EIF3A: variants seen among roughly 807,000 people sequenced by gnomAD.
The protein encoded by EIF3A is eukaryotic translation initiation factor 3 subunit A.
EIF3A carries 21 observed loss-of-function variants against 186.6 expected under a neutral mutation model. The observed-to-expected ratio is 0.11, with a 90% CI of 0.08 to 0.16. The LOEUF is 0.16. EIF3A is among the 10% of genes least tolerant of loss of function. The pLI is 1.00. For missense variants in EIF3A, 1,306 were observed against 1,796.3 expected (o/e 0.73, Z 4.93); for synonymous variants, 563 against 584.3 (o/e 0.96, Z 0.52).
intron 19 of EIF3A, among the ~76,000 whole-genome samples, chr10:119,039,884 CA>C (rs761843716): frequency 3.9e-5 from 6 of 152,154 alleles, no homozygotes; most frequent in Non-Finnish European, 8.8e-5. Flanking sequence ...GATTGGTTGA[CA>C]AAAATATCAT....
chr10:119,059,112 T>C (rs1296998044), intron 11 of EIF3A, 100 bp downstream of exon 11: 20 of 878,302 alleles, frequency 2.3e-5, no homozygotes, highest in African/African-American at 1.8e-4. Context: ...CATAAATCCC[T>C]TCTCTCAGAT....
chr10:119,059,340 T>G lies in EIF3A; in HGVS notation c.1501A>C (p.Thr501Pro). 6.2e-7 allele frequency: 1 copy of G among 1,612,584 alleles called. No individual in the cohort carries two copies. Among genetic ancestry groups the G allele is most frequent in the Non-Finnish European group, 8.5e-7 (1 of 1,179,368 alleles). The change falls in exon 11 of 22, where the codon ACT becomes CCT. Residue 501 changes from threonine (T) to proline (P), a missense_variant. This residue lies in a region of EIF3A where 267 missense variants were observed against 367.8 expected (regional missense o/e 0.73). Coordinates refer to ENST00000369144, the MANE Select transcript of EIF3A (RefSeq NM_003750.4). ...LSFGSDLNYA[T>P]REDAPIGPHL... Reference sequence around the variant, plus strand: ...GGACCAATCGGAGCATCTTCTCGAGTAGCATAATTCAAATCAGATCCAAAA... The same window carrying G: ...GGACCAATCGGAGCATCTTCTCGAGGAGCATAATTCAAATCAGATCCAAAA...
intron 19 of EIF3A, among the ~76,000 whole-genome samples, chr10:119,040,669 G>A (rs1175611041): frequency 1.3e-5 from 2 of 152,026 alleles, no homozygotes; most frequent in East Asian, 1.9e-4. Flanking sequence ...TCAGGAGTTC[G>A]AGAGCAGCCT....
At chr10:119,045,110 A>G (rs139975899) in intron 17 of EIF3A, among the ~76,000 whole-genome samples, 1,565 of 151,986 alleles carry the variant, frequency 0.01, 24 homozygotes, top group African/African-American at 0.036. Flanking sequence ...ATGCCCGACT[A>G]ATTTTTATAT....
intron 19 of EIF3A, among the ~76,000 whole-genome samples, chr10:119,041,762 G>A (rs1848211673): frequency 1.3e-5 from 2 of 152,212 alleles, no homozygotes; most frequent in Non-Finnish European, 2.9e-5. Flanking sequence ...CATCGAAGCA[G>A]AAGGAAAACA....
chr10:119,063,939 T>G (rs1476540710), intron 7 of EIF3A, among the ~76,000 whole-genome samples: 1 of 151,988 alleles, frequency 6.6e-6, no homozygotes, highest in Non-Finnish European at 1.5e-5. Flanking sequence ...AAAAAACCAC[T>G]GTAGTGGTGC....
intron 3 of EIF3A, 151 bp downstream of exon 3, chr10:119,073,290 T>G: frequency 1.5e-6 from 1 of 687,536 alleles, no homozygotes; most frequent in Non-Finnish European, 2.4e-6. Flanking sequence ...TTTTATTACC[T>G]ACATAAATTA....
chr10:119,076,846 G>C (rs964160909), intron 1 of EIF3A, among the ~76,000 whole-genome samples: 2 of 147,488 alleles, frequency 1.4e-5, no homozygotes, highest in African/African-American at 5.0e-5. Context: ...TGAGACTTTA[G>C]AATCACTTGA....
chr10:119,043,792 C>A (rs1160031740), intron 18 of EIF3A, among the ~76,000 whole-genome samples: 5 of 151,664 alleles, frequency 3.3e-5, no homozygotes, highest in Non-Finnish European at 7.4e-5. Context: ...TGGTGGCACA[C>A]ACCTGTAATC....
Position 119,059,704 on chromosome 10 carries a change from A to G in EIF3A, c.1341T>C (p.Tyr447=). Residue 447 remains tyrosine (Y), a synonymous_variant, in exon 10 of 22, where the codon TAT becomes TAC. Transcript: ENST00000369144. The stretch of plus-strand genomic sequence containing the variant: ...TCAAACGAGAAAACTCAATGCTCTG[A>G]TAAATCTGTGACACCTGCATAGAAA... ...LRLLQQVSQI[Y]QSIEFSRLTS... is the part of the protein sequence containing the mutation. 6.2e-7 allele frequency: 1 copy of G among 1,613,344 alleles called. No homozygotes were observed. Among genetic ancestry groups the G allele is most frequent in the Non-Finnish European group, 8.5e-7 (1 of 1,179,274 alleles).
chr10:119,080,758 G>T lies in EIF3A; in HGVS notation c.-82C>A. On this transcript the variant is annotated 5_prime_UTR_variant, in exon 1 of 22. Transcript: ENST00000369144. ...GGAGAGGAGACGAAGGGGAACCAGC[G>T]TAAGGTCCCACGCGCCTCGCCAGCA... is the stretch of plus-strand genomic sequence containing the variant. 6.5e-7 allele frequency: 1 copy of T among 1,529,696 alleles called. No individual in the cohort carries two copies. Among genetic ancestry groups the T allele is most frequent in the Non-Finnish European group, 8.8e-7 (1 of 1,138,154 alleles). 94.8% of individuals were successfully genotyped at this position (1,529,696 alleles called of 1,614,324 possible). A position where few individuals can be genotyped will look rare whatever the true frequency, so the allele number is the denominator to read the frequency against.
intron 1 of EIF3A, chr10:119,080,255 C>G (rs530577016): frequency 2.1e-6 from 2 of 955,502 alleles, no homozygotes; most frequent in Non-Finnish European, 2.5e-6. Flanking sequence ...AGATGGCGGC[C>G]GGGGACGCGG....
intron 14 of EIF3A, among the ~76,000 whole-genome samples, chr10:119,051,729 G>C (rs1295091971): frequency 6.6e-6 from 1 of 152,088 alleles, no homozygotes; most frequent in African/African-American, 2.4e-5. Flanking sequence ...GTATACAATA[G>C]CATGTCTAAA....
rs887876515 is a variant in EIF3A at position 119,080,543 on chromosome 10, G to C, written c.49+85C>G. ...CTCCTCTCCCCGCGCGGGCCGGGCGGCGGAGCAGTGGGAAGCAGGCCCGCG... is the reference window on the plus strand; with the variant it reads ...CTCCTCTCCCCGCGCGGGCCGGGCGCCGGAGCAGTGGGAAGCAGGCCCGCG... On this transcript the variant is annotated intron_variant, in intron 1 of 21. Transcript: ENST00000369144. 5 of 1,464,074 alleles carry C rather than the reference G, an allele frequency of 3.4e-6. No individual in the cohort carries two copies. In the Admixed American group the frequency reaches 1.1e-4, roughly 32 times the overall value. 90.7% of individuals were successfully genotyped at this position (1,464,074 alleles called of 1,614,324 possible).
chr10:119,070,971 T>G lies in EIF3A; in HGVS notation c.656A>C (p.Asn219Thr), dbSNP rs1490846075. ...QRHHNQSTAI[N>T]LNNPESQSMH... The stretch of plus-strand genomic sequence containing the variant: ...GGACTGGCTCTCTGGATTATTAAGA[T>G]TGATTGCCGTACTTTGGTTATGGTG... The change falls in exon 5 of 22, where the codon AAT (asparagine) becomes ACT (threonine). Residue 219 changes from asparagine to threonine, a missense_variant. Asn to Thr is a moderately conservative substitution (Grantham distance 65). This residue lies in a region of EIF3A where 267 missense variants were observed against 367.8 expected (regional missense o/e 0.73). Coordinates refer to ENST00000369144, the MANE Select transcript of EIF3A (RefSeq NM_003750.4). The G allele has an allele frequency of 1.2e-6, 2 of 1,614,000 alleles. No individual in the cohort carries two copies. The highest frequency in any genetic ancestry group is 1.7e-6 in the Non-Finnish European group (2 of 1,179,822).
intron 10 of EIF3A, 77 bp from the exon 11 acceptor site, chr10:119,059,474 CA>C (rs1843846729): frequency 1.5e-6 from 2 of 1,312,536 alleles, no homozygotes; most frequent in East Asian, 2.3e-5. Context: ...ATGTCATATA[CA>C]AAAGCTGGAA....
chr10:119,042,927 C>A lies in EIF3A; in HGVS notation c.2748-155G>T, dbSNP rs530783324. 6.6e-6 allele frequency among the ~76,000 whole-genome samples: 1 copy of A among 152,252 alleles called. No homozygotes were observed. Among genetic ancestry groups the A allele is most frequent in the East Asian group, 1.9e-4 (1 of 5,180 alleles). The stretch of plus-strand genomic sequence containing the variant: ...CAGCACTCTGGGAAGCAGAGGCAGG[C>A]AGATCACCTGAGGTCAGGAGTTCAA... On this transcript the variant is annotated intron_variant, in intron 18 of 21. Transcript: ENST00000369144. The surrounding 1 kb of genome is among the most constrained non-coding windows in gnomAD (Gnocchi z 7.8).
chr10:119,075,302 C>T (rs1157258265), intron 1 of EIF3A, among the ~76,000 whole-genome samples: 1 of 152,078 alleles, frequency 6.6e-6, no homozygotes, highest in African/African-American at 2.4e-5. Flanking sequence ...AGCCCGAAGG[C>T]ATTCTATGTG....
At chr10:119,070,019 T>C (rs1157748029) in intron 5 of EIF3A, among the ~76,000 whole-genome samples, 1 of 151,970 alleles carries the variant, frequency 6.6e-6, no homozygotes, top group Admixed American at 6.5e-5. Flanking sequence ...AACTTATGGA[T>C]TTTTTTCTAT....
Sources: allele counts gnomAD v4.1 joint callset (sites outside exome capture counted in the v4.1 genomes callset), GRCh38; gene constraint gnomAD v4.1.1; regional missense constraint gnomAD v4.1.1; non-coding constraint Gnocchi (gnomAD v3.1); transcripts MANE v1.5; gene names NCBI Gene and HGNC (gene_info 2026-07-23, HGNC 2026-07-21).